SYCP2: variants seen among roughly 807,000 people sequenced by gnomAD.
The protein encoded by SYCP2 is synaptonemal complex lateral element protein.
SYCP2 carries 55 observed loss-of-function variants against 211.3 expected under a neutral mutation model. That is an observed-to-expected ratio of 0.26 (90% confidence interval 0.21 to 0.33). The LOEUF is 0.33. Among genes scored for constraint, SYCP2 ranks in the 10% least tolerant of loss-of-function variants. The pLI, the probability that SYCP2 is intolerant of heterozygous loss-of-function variation, is 1.00. For synonymous variants in SYCP2, 570 were observed against 555.2 expected (o/e 1.03, Z -0.37); for missense variants, 1,731 against 1,752.0 (o/e 0.99, Z 0.21).
chr20:59,924,910 T>G (rs1319720970), intron 2 of SYCP2, among the ~76,000 whole-genome samples: 5 of 152,010 alleles, frequency 3.3e-5, no homozygotes, highest in African/African-American at 1.2e-4. Context: ...TAAGATAATC[T>G]TTTCAATTAA....
rs527312791 is a variant in SYCP2 at position 59,892,323 on chromosome 20, G to T, written c.2031C>A (p.Thr677=). 19 of 1,609,048 alleles carry T rather than the reference G, an allele frequency of 1.2e-5. No individual in the cohort carries two copies. The highest frequency in any genetic ancestry group is 1.5e-5 in the Non-Finnish European group (18 of 1,177,362). The part of the protein sequence containing the change: ...TGKVKYKKEQ[T]DHIKIDKAEV... ...CTGCTTTATCTATTTTGATATGGTCGGTTTGTTCTTTCTTATATTTCACTT... is the reference window on the plus strand; with the variant it reads ...CTGCTTTATCTATTTTGATATGGTCTGTTTGTTCTTTCTTATATTTCACTT... Residue 677 remains threonine, a synonymous_variant, in exon 24 of 45, where the codon ACC becomes ACA. Transcript: ENST00000357552.
chr20:59,897,921 A>AAAC (rs1318062053), intron 18 of SYCP2, among the ~76,000 whole-genome samples: 2 of 152,082 alleles, frequency 1.3e-5, no homozygotes, highest in African/African-American at 4.8e-5. Flanking sequence ...GTCTCTACTA[A>AAAC]AACAACAACA....
At position 59,864,166 on chromosome 20, in the gene SYCP2, CATT is replaced by C. The variant is rs1053667669; in HGVS notation, c.*142_*144del. ...TGGTTCCCTCTCATCCATTAAAAGA[CATT>C]TTTTTTTAATTTGAGGGTTCCTATA... is the stretch of plus-strand genomic sequence containing the variant. On this transcript the variant is annotated 3_prime_UTR_variant, in exon 45 of 45. Coordinates refer to ENST00000357552, the MANE Select transcript of SYCP2 (RefSeq NM_014258.4). 1 of 516,050 alleles carries C rather than the reference CATT, an allele frequency of 1.9e-6. No individual in the cohort carries two copies. The allele number at this position is 516,050 out of a possible 1,614,324, so 32.0% of individuals were successfully genotyped here.
chr20:59,872,213 A>T (rs189997119), intron 35 of SYCP2, among the ~76,000 whole-genome samples: 1 of 152,158 alleles, frequency 6.6e-6, no homozygotes, highest in African/African-American at 2.4e-5. Flanking sequence ...AAAAATATTA[A>T]ATGGAACATT....
intron 26 of SYCP2, among the ~76,000 whole-genome samples, chr20:59,883,484 G>A (rs1232521921): frequency 1.3e-5 from 2 of 152,036 alleles, no homozygotes; most frequent in African/African-American, 4.8e-5. Context: ...TGTGGTGCGT[G>A]TATATATATG....
At chr20:59,917,724 GTCT>G (rs773072980) in intron 7 of SYCP2, among the ~76,000 whole-genome samples, 17 of 152,186 alleles carry the variant, frequency 1.1e-4, no homozygotes, top group Non-Finnish European at 2.2e-4. Context: ...TCCTAGGTAA[GTCT>G]TCTTCAATCA....
At position 59,868,562 on chromosome 20, in the gene SYCP2, G is replaced by C. The variant is rs2059393731; in HGVS notation, c.3839C>G (p.Thr1280Ser). The change falls in exon 38 of 45, where the codon ACC becomes AGC. Residue 1280 changes from threonine (T) to serine (S), a missense_variant. Physicochemically the swap from Thr to Ser is moderately conservative, Grantham distance 58. Coordinates refer to ENST00000357552, the MANE Select transcript of SYCP2 (RefSeq NM_014258.4). ...PCDATHVSGP[T>S]QHLSRKRIYI... is the part of the protein sequence containing the mutation. ...TATTCTTTTGCGACTAAGATGTTGG[G>C]TGGGGCCTTAGGAACAGTTAAAGAA... 6.3e-7 allele frequency: 1 copy of C among 1,598,454 alleles called. No individual in the cohort carries two copies. Among genetic ancestry groups the C allele is most frequent in the Non-Finnish European group, 8.5e-7 (1 of 1,175,634 alleles).
intron 44 of SYCP2, 27 bp from the exon 45 acceptor site, chr20:59,864,415 C>CT (rs1881543720): frequency 6.8e-7 from 1 of 1,479,912 alleles, no homozygotes; most frequent in South Asian, 1.3e-5. Context: ...AAAAATCACA[C>CT]TTAGATTTCA....
chr20:59,886,617 G>T (rs1175897796), intron 25 of SYCP2, 90 bp downstream of exon 25: 1 of 940,058 alleles, frequency 1.1e-6, no homozygotes, highest in Non-Finnish European at 1.5e-6. Context: ...TACATTATCT[G>T]AACCTATGTT....
chr20:59,914,208 C>T lies in SYCP2; in HGVS notation c.678G>A (p.Met226Ile). The T allele has an allele frequency of 2.5e-6, 4 of 1,602,086 alleles. No homozygotes were observed. Among genetic ancestry groups the T allele is most frequent in the Non-Finnish European group, 3.4e-6 (4 of 1,171,508 alleles). Residue 226 changes from methionine to isoleucine, a missense_variant, in exon 11 of 45, where the codon ATG becomes ATA. Transcript: ENST00000357552. ...QVGIVEALCR[M>I]TTEKQRQELA... ...GTTCTTGTCTTTGTTTTTCTGTGGT[C>T]ATTCTACACAAAGCTTCTACAATGC...
intron 2 of SYCP2, 136 bp downstream of exon 2, chr20:59,931,926 C>T (rs2060752438): frequency 6.6e-6 from 1 of 152,082 alleles, no homozygotes; most frequent in African/African-American, 2.4e-5. Context: ...TAAAAAGAAA[C>T]AAAAGTTATA....
chr20:59,886,610 A>T (rs905247096), intron 25 of SYCP2, 97 bp downstream of exon 25: 27 of 877,686 alleles, frequency 3.1e-5, no homozygotes, highest in South Asian at 5.0e-5. Flanking sequence ...GAAAAGTTAC[A>T]TTATCTGAAC....
chr20:59,915,811 T>C (rs2060428930), intron 8 of SYCP2: 2 of 231,356 alleles, frequency 8.6e-6, no homozygotes, highest in South Asian at 9.9e-5. Context: ...CTGGCCAACA[T>C]AGTGAAACCC....
chr20:59,892,254 A>G lies in SYCP2; in HGVS notation c.2100T>C (p.Pro700=), dbSNP rs749009999. The G allele has an allele frequency of 1.2e-6, 2 of 1,612,846 alleles. No individual in the cohort carries two copies. The highest frequency in any genetic ancestry group is 8.5e-7 in the Non-Finnish European group (1 of 1,179,224). Residue 700 remains proline (P), a synonymous_variant, in exon 24 of 45, where the codon CCT becomes CCC. Coordinates refer to ENST00000357552, the MANE Select transcript of SYCP2 (RefSeq NM_014258.4). Reference sequence around the variant, plus strand: ...CAGTATTTTTCTGCCCTGAATATTTAGGATGATTTTGTTGCTGATTGTGTT... The same window carrying G: ...CAGTATTTTTCTGCCCTGAATATTTGGGATGATTTTGTTGCTGATTGTGTT... ...CKKHNQQQNH[P]KYSGQKNTEN...
At chr20:59,903,250 C>T (rs983558429) in intron 15 of SYCP2, among the ~76,000 whole-genome samples, 1 of 152,014 alleles carries the variant, frequency 6.6e-6, no homozygotes, top group Admixed American at 6.6e-5. Context: ...GTTAGTGTTA[C>T]TGAGATACAA....
At position 59,907,357 on chromosome 20, in the gene SYCP2, T is replaced by A; in HGVS notation, c.1033+7A>T. 6.3e-7 allele frequency: 1 copy of A among 1,580,428 alleles called. No homozygotes were observed. ...AGAAAATTATTAGAAAAAAACAAGT[T>A]TAATACCTTCAATGCTGTATATTTG... is the stretch of plus-strand genomic sequence containing the variant. On this transcript the variant is annotated splice_region_variant and intron_variant, in intron 15 of 44. Coordinates refer to ENST00000357552, the MANE Select transcript of SYCP2 (RefSeq NM_014258.4).
intron 1 of SYCP2, among the ~76,000 whole-genome samples, chr20:59,932,529 G>C (rs969466053): frequency 3.9e-5 from 6 of 152,074 alleles, no homozygotes; most frequent in African/African-American, 1.4e-4. Context: ...TACAAAATTA[G>C]CTGGGCGTGG....
chr20:59,931,378 G>A (rs142721804), intron 2 of SYCP2, among the ~76,000 whole-genome samples: 10 of 152,226 alleles, frequency 6.6e-5, no homozygotes, highest in African/African-American at 2.2e-4. Flanking sequence ...CTCGGCGGCA[G>A]AGCAAGACCC....
At chr20:59,870,048 A>G in intron 35 of SYCP2, 65 bp from the exon 36 acceptor site, 1 of 1,070,066 alleles carries the variant, frequency 9.3e-7, no homozygotes. Flanking sequence ...CCCCCACTTC[A>G]AAAAGAGTTG....
Sources: allele counts gnomAD v4.1 joint callset (sites outside exome capture counted in the v4.1 genomes callset), GRCh38; gene constraint gnomAD v4.1.1; transcripts MANE v1.5; gene names NCBI Gene and HGNC (gene_info 2026-07-23, HGNC 2026-07-21).